The following PDE1A variants were observed in gnomAD, a reference collection of about 807,000 sequenced individuals.
PDE1A encodes dual specificity calcium/calmodulin-dependent 3',5'-cyclic nucleotide phosphodiesterase 1A.
Under a neutral mutation model 61.7 loss-of-function variants are expected in PDE1A, and 35 were observed. The ratio of observed to expected loss-of-function variants is 0.57; its 90% CI spans 0.43 to 0.75. The LOEUF (loss-of-function observed/expected upper bound fraction) is 0.75. Ranked by LOEUF, PDE1A falls within the 30% of genes least tolerant of loss-of-function variation. The pLI is 0.00. For missense variants in PDE1A, 597 were observed against 630.6 expected, an observed-to-expected ratio of 0.95 and a Z score of 0.57; for synonymous variants, 232 against 213.2, an observed-to-expected ratio of 1.09 and a Z score of -0.77.
At chr2:182,255,570 C>T (rs565521657) in intron 2 of PDE1A, among the ~76,000 whole-genome samples, 6 of 152,086 alleles carry the variant, frequency 3.9e-5, no homozygotes, top group Non-Finnish European at 8.8e-5. Context: ...TTTTACAATG[C>T]TACTCATGTT....
At chr2:182,271,185 CA>C (rs11399196) in intron 1 of PDE1A, among the ~76,000 whole-genome samples, 3,025 of 111,606 alleles carry the variant, frequency 0.027, 45 homozygotes, top group South Asian at 0.12. Flanking sequence ...CCTTTACCAC[CA>C]AAAAAAAAAA....
intron 1 of PDE1A, among the ~76,000 whole-genome samples, chr2:182,315,953 G>A (rs1696313705): frequency 6.6e-6 from 1 of 152,176 alleles, no homozygotes; most frequent in South Asian, 2.1e-4. Context: ...GTCTGGCAAA[G>A]CTCTGTTCAC....
intron 13 of PDE1A, among the ~76,000 whole-genome samples, chr2:182,171,027 T>C (rs1455823829): frequency 6.6e-6 from 1 of 152,052 alleles, no homozygotes; most frequent in Non-Finnish European, 1.5e-5. Flanking sequence ...TGAAAAACAC[T>C]TCTAGTTTTG....
chr2:182,219,881 TATC>T (rs747690889), intron 7 of PDE1A, among the ~76,000 whole-genome samples: 10 of 152,148 alleles, frequency 6.6e-5, no homozygotes, highest in Non-Finnish European at 8.8e-5. Context: ...ATCTGTATCT[TATC>T]ATGTTATATA....
At chr2:182,328,128 G>T (rs1467043813) in intron 1 of PDE1A, among the ~76,000 whole-genome samples, 2 of 152,136 alleles carry the variant, frequency 1.3e-5, no homozygotes, top group Non-Finnish European at 2.9e-5. Context: ...AAGTCACAAA[G>T]ACTATATCTA....
chr2:182,317,980 T>C (rs778856126), intron 1 of PDE1A, among the ~76,000 whole-genome samples: 18 of 152,260 alleles, frequency 1.2e-4, no homozygotes, highest in Admixed American at 7.9e-4. Context: ...TTATTCCCAA[T>C]TTACAGATCA....
chr2:182,508,219 A>C (rs1336538068), intron 2 of PDE1A, among the ~76,000 whole-genome samples: 1 of 152,136 alleles, frequency 6.6e-6, no homozygotes, highest in Non-Finnish European at 1.5e-5. Flanking sequence ...ATAAATTACT[A>C]ACATAAGGCA....
chr2:182,697,094 A>G, the PDE1A span, among the ~76,000 whole-genome samples: 1 of 152,222 alleles, frequency 6.6e-6, no homozygotes, highest in Non-Finnish European at 1.5e-5. Context: ...CCCCTCTGAT[A>G]TACCAAGATG....
the PDE1A span, among the ~76,000 whole-genome samples, chr2:182,700,259 T>C: frequency 6.6e-6 from 1 of 152,132 alleles, no homozygotes; most frequent in Non-Finnish European, 1.5e-5. Context: ...AGCAAATTTG[T>C]TCTAAAATTT....
intron 2 of PDE1A, among the ~76,000 whole-genome samples, chr2:182,460,416 T>C (rs1686204187): frequency 6.6e-6 from 1 of 152,132 alleles, no homozygotes; most frequent in Non-Finnish European, 1.5e-5. Context: ...ATGTAACACA[T>C]TTTTAAGAGA....
At chr2:182,242,408 A>G (rs754916342) in intron 2 of PDE1A, among the ~76,000 whole-genome samples, 12 of 152,202 alleles carry the variant, frequency 7.9e-5, no homozygotes, top group Non-Finnish European at 1.5e-4. Flanking sequence ...ACACAAATAA[A>G]GGACGACAGT....
At chr2:182,422,657 T>C (rs557756202) in intron 1 of PDE1A, among the ~76,000 whole-genome samples, 4 of 152,292 alleles carry the variant, frequency 2.6e-5, no homozygotes, top group African/African-American at 4.8e-5. Context: ...AGATCCTTCA[T>C]TTGAATATGT....
At chr2:182,573,963 ATTT>A in the PDE1A span, among the ~76,000 whole-genome samples, 4 of 94,482 alleles carry the variant, frequency 4.2e-5, no homozygotes, top group Admixed American at 2.0e-4. Flanking sequence ...ATATTTATAT[ATTT>A]TTTTATACAC....
chr2:182,538,130 C>T, the PDE1A span, among the ~76,000 whole-genome samples: 3 of 152,160 alleles, frequency 2.0e-5, no homozygotes, highest in African/African-American at 4.8e-5. Flanking sequence ...TCTGCCAGCA[C>T]CTGCCTCCTC....
chr2:182,376,156 A>T (rs1168993738), intron 1 of PDE1A, among the ~76,000 whole-genome samples: 1 of 152,230 alleles, frequency 6.6e-6, no homozygotes, highest in Non-Finnish European at 1.5e-5. Flanking sequence ...CTTGTTACTT[A>T]TGCAAATATC....
intron 1 of PDE1A, among the ~76,000 whole-genome samples, chr2:182,381,840 T>C (rs949697015): frequency 6.6e-6 from 1 of 151,732 alleles, no homozygotes; most frequent in African/African-American, 2.4e-5. Flanking sequence ...ATAATAATTA[T>C]ATTAACTGAG....
the PDE1A span, among the ~76,000 whole-genome samples, chr2:182,547,582 G>A: frequency 1.3e-5 from 2 of 152,120 alleles, no homozygotes; most frequent in Non-Finnish European, 2.9e-5. Context: ...CATAAGATAT[G>A]CAGACACTTG....
At chr2:182,267,449 A>ACACACACACACGCCTATATT (rs1553561053) in intron 1 of PDE1A, among the ~76,000 whole-genome samples, 2 of 151,668 alleles carry the variant, frequency 1.3e-5, no homozygotes, top group Non-Finnish European at 2.9e-5. Context: ...ACACACACAC[A>ACACACACACACGCCTATATT]CACACACACG....
chr2:182,351,488 G>T (rs1698875062), intron 1 of PDE1A, among the ~76,000 whole-genome samples: 1 of 152,082 alleles, frequency 6.6e-6, no homozygotes, highest in African/African-American at 2.4e-5. Context: ...CTGGAAGTGG[G>T]GGAAAAGCAG....
Sources: allele counts gnomAD v4.1 joint callset (sites outside exome capture counted in the v4.1 genomes callset), GRCh38; gene constraint gnomAD v4.1.1; transcripts MANE v1.5; gene names NCBI Gene and HGNC (gene_info 2026-07-23, HGNC 2026-07-21).